IGSF10: variants seen among roughly 807,000 people sequenced by gnomAD.
IGSF10 encodes the protein calvaria mechanical force protein 608.
In IGSF10, 126 loss-of-function variants were observed where a neutral mutation model predicts 128.2. The observed-to-expected ratio is 0.98, with a 90% CI of 0.85 to 1.14. The LOEUF (loss-of-function observed/expected upper bound fraction) is 1.14, where lower values mean the gene tolerates loss of function less well. Ranked by LOEUF, IGSF10 falls within the 50% of genes most tolerant of loss-of-function variation. The pLI is 0.00. For synonymous variants in IGSF10, 1,185 were observed against 1,146.2 expected (o/e 1.03, Z -0.68); for missense variants, 3,295 against 3,149.8 (o/e 1.05, Z -1.10).
In IGSF10 at chr3:151,436,478, T is replaced by G. The variant is rs1188659801; in HGVS notation, c.*211A>C. The G allele has an allele frequency of 2.3e-6, 1 of 430,248 alleles. No individual in the cohort carries two copies. Among genetic ancestry groups the G allele is most frequent in the African/African-American group, 2.0e-5 (1 of 48,840 alleles). 26.7% of individuals were successfully genotyped at this position (430,248 alleles called of 1,614,324 possible). Reference sequence around the variant, plus strand: ...ATTTGTTGGCAAAATAAAAGTGCCTTAAGTTAAAAGTTTGTTTTGAGATCC... The same window carrying G: ...ATTTGTTGGCAAAATAAAAGTGCCTGAAGTTAAAAGTTTGTTTTGAGATCC... On this transcript the variant is annotated 3_prime_UTR_variant, in exon 8 of 8. Transcript: ENST00000282466.
chr3:151,609,108 G>T, the IGSF10 span, among the ~76,000 whole-genome samples: 6 of 152,298 alleles, frequency 3.9e-5, no homozygotes, highest in East Asian at 1.2e-3. Context: ...TTTGAGCTGA[G>T]TTCTGAAGGT....
Position 151,448,547 on chromosome 3 carries a change from A to T in IGSF10, c.1434T>A (p.Asp478Glu). Reference sequence around the variant, plus strand: ...CAGTATGTTCCAGCTTAGTATTGTTATCCCTTGAAATCATAGTCCATTTGT... The same window carrying T: ...CAGTATGTTCCAGCTTAGTATTGTTTTCCCTTGAAATCATAGTCCATTTGT... ...VKHKWTMISR[D>E]NNTKLEHTVL... The change falls in exon 6 of 8, where the codon GAT becomes GAA. Residue 478 changes from aspartate to glutamate, a missense_variant. By Grantham distance (45) the Asp-to-Glu change is conservative. Coordinates refer to ENST00000282466, the MANE Select transcript of IGSF10 (RefSeq NM_178822.5). The T allele has an allele frequency of 6.2e-7, 1 of 1,614,246 alleles. No individual in the cohort carries two copies. The highest frequency in any genetic ancestry group is 1.1e-5 in the South Asian group (1 of 91,086).
the IGSF10 span, among the ~76,000 whole-genome samples, chr3:151,526,723 T>G: frequency 6.6e-6 from 1 of 152,340 alleles, no homozygotes; most frequent in East Asian, 1.9e-4. Flanking sequence ...GCATTTGCTT[T>G]CAGATTTACT....
chr3:151,582,212 T>C, the IGSF10 span, among the ~76,000 whole-genome samples: 2 of 148,472 alleles, frequency 1.3e-5, no homozygotes, highest in African/African-American at 5.0e-5. Context: ...GATATTTTCA[T>C]TGGCTTCCCC....
At chr3:151,615,067 C>T in the IGSF10 span, among the ~76,000 whole-genome samples, 2 of 151,854 alleles carry the variant, frequency 1.3e-5, no homozygotes, top group African/African-American at 2.4e-5. Context: ...ATTTTAATGC[C>T]ACATTTTTTG....
the IGSF10 span, among the ~76,000 whole-genome samples, chr3:151,484,744 A>AAAG: frequency 8.6e-5 from 13 of 151,212 alleles, no homozygotes; most frequent in Admixed American, 8.6e-4. Context: ...AAAAAAAAAA[A>AAAG]GAATAGAATC....
downstream of IGSF10, chr3:151,435,983 A>C (rs760470388): frequency 6.6e-6 from 1 of 152,200 alleles, no homozygotes; most frequent in South Asian, 2.1e-4. Flanking sequence ...GTTATAAAGA[A>C]GTTTCATTGT....
At chr3:151,459,683 G>A (rs1721961245) in intron 2 of IGSF10, among the ~76,000 whole-genome samples, 1 of 152,036 alleles carries the variant, frequency 6.6e-6, no homozygotes, top group South Asian at 2.1e-4. Context: ...AAAAAAAAAT[G>A]GTATCTGTTA....
the IGSF10 span, among the ~76,000 whole-genome samples, chr3:151,493,338 A>G: frequency 1.3e-5 from 2 of 152,204 alleles, no homozygotes; most frequent in Non-Finnish European, 2.9e-5. Flanking sequence ...GCTTCACTAT[A>G]GTAACCATTT....
At chr3:151,601,743 T>G in the IGSF10 span, among the ~76,000 whole-genome samples, 2 of 152,232 alleles carry the variant, frequency 1.3e-5, no homozygotes, top group African/African-American at 4.8e-5. Context: ...ACATGCACTT[T>G]GGTAAATACA....
At chr3:151,614,892 TAAA>T in the IGSF10 span, among the ~76,000 whole-genome samples, 2 of 123,298 alleles carry the variant, frequency 1.6e-5, no homozygotes, top group Admixed American at 8.1e-5. Flanking sequence ...ACAGAAACAG[TAAA>T]AAAAAAAAAA....
chr3:151,536,793 G>A, the IGSF10 span, among the ~76,000 whole-genome samples: 1 of 152,088 alleles, frequency 6.6e-6, no homozygotes, highest in Non-Finnish European at 1.5e-5. Context: ...ATATTTTGAA[G>A]TCTTAATTCT....
At chr3:151,470,255 C>T in the IGSF10 span, among the ~76,000 whole-genome samples, 1 of 152,174 alleles carries the variant, frequency 6.6e-6, no homozygotes, top group East Asian at 1.9e-4. Context: ...AACTTTCATA[C>T]AAAGGTCACA....
At chr3:151,457,250 C>G (rs924834232) in intron 3 of IGSF10, 95 bp from the exon 4 acceptor site, 2 of 1,104,544 alleles carry the variant, frequency 1.8e-6, no homozygotes, top group Non-Finnish European at 2.6e-6. Context: ...CTCAATACCT[C>G]TCTTTATAAC....
Position 151,437,704 on chromosome 3 carries a change from T to C in IGSF10, c.6857A>G (p.Tyr2286Cys), listed in dbSNP as rs1720476703. 1 of 1,614,044 alleles carries C rather than the reference T, an allele frequency of 6.2e-7. No individual in the cohort carries two copies. Among genetic ancestry groups the C allele is most frequent in the Admixed American group, 1.7e-5 (1 of 60,002 alleles). ...PDNIFLTAPY[Y>C]GSRITVHKNG... The stretch of plus-strand genomic sequence containing the variant: ...TTTATGGACTGTGATTCTGCTTCCA[T>C]AGTATGGGGCTGTGAGGAAAATATT... The change falls in exon 8 of 8, where the codon TAT becomes TGT. Residue 2286 changes from tyrosine (Y) to cysteine (C), a missense_variant. Transcript: ENST00000282466.
At chr3:151,454,807 A>C (rs905337405) in intron 4 of IGSF10, among the ~76,000 whole-genome samples, 2 of 152,010 alleles carry the variant, frequency 1.3e-5, no homozygotes, top group African/African-American at 4.8e-5. Context: ...CAGCCTAGCC[A>C]ACATGACGAA....
chr3:151,509,324 A>G, the IGSF10 span, among the ~76,000 whole-genome samples: 1 of 152,212 alleles, frequency 6.6e-6, no homozygotes. Flanking sequence ...CTCCAGTCTC[A>G]GTCAAATTAC....
At chr3:151,463,546 T>G (rs1049135162), upstream of IGSF10, among the ~76,000 whole-genome samples, 20 of 103,646 alleles carry the variant, frequency 1.9e-4, no homozygotes, top group Non-Finnish European at 2.5e-4. Context: ...TTTTTTTTTT[T>G]TTTTTTTTTT....
the IGSF10 span, among the ~76,000 whole-genome samples, chr3:151,553,031 T>C: frequency 6.6e-6 from 1 of 152,236 alleles, no homozygotes; most frequent in Non-Finnish European, 1.5e-5. Flanking sequence ...AATTAAAAAA[T>C]ACATGCAAAG....
Sources: gnomAD v4.1 joint callset for allele counts (sites outside exome capture counted in the v4.1 genomes callset) on GRCh38, gnomAD v4.1.1 for gene constraint, MANE v1.5 for transcripts, NCBI Gene and HGNC (gene_info 2026-07-23, HGNC 2026-07-21) for gene names.